The following GAN variants were observed in gnomAD, a reference collection of about 807,000 sequenced individuals.
The protein encoded by GAN is gigaxonin.
A neutral mutation model predicts 71.3 loss-of-function variants in GAN; 48 were observed. The observed-to-expected ratio is 0.67, with a 90% confidence interval of 0.53 to 0.86. The LOEUF (loss-of-function observed/expected upper bound fraction) is 0.86, where lower values mean the gene tolerates loss of function less well. Among genes scored for constraint, GAN ranks in the 40% least tolerant of loss-of-function variants. The pLI, the probability that GAN is intolerant of heterozygous loss-of-function variation, is 0.00. For synonymous variants in GAN, 386 were observed against 276.8 expected (o/e 1.39, Z -3.92); for missense variants, 928 against 770.1 (o/e 1.21, Z -2.43).
chr16:81,354,722 T>A lies in GAN; in HGVS notation c.600T>A (p.Ile200=). The A allele has an allele frequency of 3.7e-6, 6 of 1,604,182 alleles. No homozygotes were observed. The highest frequency in any genetic ancestry group is 1.3e-5 in the African/African-American group (1 of 74,836). ...AAAGATATGTCTTTGAAGCAGTAAT[T>A]CGATGGATAGCACATGATACAGAAA... is the stretch of plus-strand genomic sequence containing the variant. ...GNERYVFEAV[I]RWIAHDTEIR... Residue 200 remains isoleucine, a synonymous_variant, in exon 3 of 11, where the codon ATT becomes ATA. Transcript: ENST00000648994.
rs541164583 is a variant in GAN, at chr16:81,378,324, G to C, written c.*728G>C. Reference sequence around the variant, plus strand: ...TCTGTGTTGACTTAGATCAAGACACGTCACGCATCCTTTCTGGGGTAGTAC... The same window carrying C: ...TCTGTGTTGACTTAGATCAAGACACCTCACGCATCCTTTCTGGGGTAGTAC... On this transcript the variant is annotated 3_prime_UTR_variant, in exon 11 of 11. Transcript: ENST00000648994. 1 of 153,068 alleles carries C rather than the reference G, an allele frequency of 6.5e-6. No individual in the cohort carries two copies. Among genetic ancestry groups the C allele is most frequent in the South Asian group, 2.1e-4 (1 of 4,848 alleles). 9.5% of individuals were successfully genotyped at this position (153,068 alleles called of 1,614,324 possible).
At chr16:81,318,868 C>T (rs1384890623) in intron 1 of GAN, among the ~76,000 whole-genome samples, 1 of 152,202 alleles carries the variant, frequency 6.6e-6, no homozygotes, top group Non-Finnish European at 1.5e-5. Flanking sequence ...TAGGGTGCAG[C>T]TGCTCCAGGA....
At chr16:81,337,509 A>G (rs1909803212) in intron 1 of GAN, among the ~76,000 whole-genome samples, 1 of 152,208 alleles carries the variant, frequency 6.6e-6, no homozygotes. Context: ...TTCTTGGAAG[A>G]CGATGACCAG....
chr16:81,327,672 A>G (rs1909434379), intron 1 of GAN, among the ~76,000 whole-genome samples: 1 of 152,240 alleles, frequency 6.6e-6, no homozygotes, highest in Non-Finnish European at 1.5e-5. Context: ...GTGAGTAGAA[A>G]CATGAACTTG....
In GAN at chr16:81,355,559, C is replaced by T. The variant is rs377657625; in HGVS notation, c.633+804C>T. Among the ~76,000 whole-genome samples, 7 of 152,290 alleles carry T rather than the reference C, an allele frequency of 4.6e-5. 1 individual carries two copies. The highest frequency in any genetic ancestry group is 2.1e-4 in the South Asian group (1 of 4,826). On this transcript the variant is annotated intron_variant, in intron 3 of 10. Coordinates refer to ENST00000648994, the MANE Select transcript of GAN (RefSeq NM_022041.4). Reference sequence around the variant, plus strand: ...TTTGATTTTTGTAGAGACAGGGTCTCGCTGTGCTGCCCAGGCTGGTCTCAA... The same window carrying T: ...TTTGATTTTTGTAGAGACAGGGTCTTGCTGTGCTGCCCAGGCTGGTCTCAA...
chr16:81,362,137 T>C (rs959972796), intron 5 of GAN, among the ~76,000 whole-genome samples: 5 of 152,168 alleles, frequency 3.3e-5, no homozygotes, highest in African/African-American at 7.2e-5. Context: ...GGGTCTAGAA[T>C]GAACAGATGT....
intron 9 of GAN, among the ~76,000 whole-genome samples, chr16:81,375,718 T>C (rs1186298499): frequency 6.6e-6 from 1 of 151,804 alleles, no homozygotes; most frequent in Non-Finnish European, 1.5e-5. Flanking sequence ...GCAATCCCAG[T>C]ACTTTAGGAG....
intron 9 of GAN, among the ~76,000 whole-genome samples, chr16:81,369,864 C>G (rs1488905547): frequency 1.3e-5 from 2 of 152,232 alleles, no homozygotes; most frequent in Non-Finnish European, 1.5e-5. Flanking sequence ...GCCACCGCGC[C>G]CAGCCGATGT....
At position 81,362,578 on chromosome 16, in the gene GAN, A is replaced by C. The variant is rs1253577201; in HGVS notation, c.1053A>C (p.Ala351=). Residue 351 remains alanine (A), a synonymous_variant, in exon 6 of 11, where the codon GCA becomes GCC. Transcript: ENST00000648994. The part of the protein sequence containing the change: ...LSSGEKYDPD[A]NTWTALPPMN... The stretch of plus-strand genomic sequence containing the variant: ...CAGGAGAAAAGTATGATCCAGATGC[A>C]AATACATGGACAGCATTGCCACCTA... The C allele has an allele frequency of 1.3e-6, 2 of 1,597,734 alleles. No homozygotes were observed. Among genetic ancestry groups the C allele is most frequent in the Non-Finnish European group, 1.7e-6 (2 of 1,165,048 alleles).
In GAN at chr16:81,334,646, AACT is replaced by A. The variant is rs1258994211; in HGVS notation, c.168-16936_168-16934del. Among the ~76,000 whole-genome samples the A allele has an allele frequency of 3.9e-5, 6 of 152,306 alleles. No individual in the cohort carries two copies. The East Asian group carries it at 1.2e-3, about 29-fold the overall frequency. ...AGTGGAACATTTGAGCATTGAATTG[AACT>A]GCTGAGTGTCCAGCACACCCTGGGG... is the stretch of plus-strand genomic sequence containing the variant. On this transcript the variant is annotated intron_variant, in intron 1 of 10. Transcript: ENST00000648994.
intron 1 of GAN, among the ~76,000 whole-genome samples, chr16:81,319,639 G>GA (rs1022041582): frequency 5.3e-5 from 8 of 151,718 alleles, no homozygotes; most frequent in Non-Finnish European, 1.0e-4. Context: ...GAGAGAAAAT[G>GA]AAAAAAAAGA....
chr16:81,371,328 C>G (rs930374437), intron 9 of GAN, among the ~76,000 whole-genome samples: 3 of 152,108 alleles, frequency 2.0e-5, no homozygotes, highest in African/African-American at 7.2e-5. Context: ...ATTGTTTGCT[C>G]CCTTGAGAAA....
chr16:81,365,476 A>C lies in GAN; in HGVS notation c.1500A>C (p.Lys500Asn). 1 of 1,613,554 alleles carries C rather than the reference A, an allele frequency of 6.2e-7. No individual in the cohort carries two copies. The highest frequency in any genetic ancestry group is 8.5e-7 in the Non-Finnish European group (1 of 1,179,816). The part of the protein sequence containing the change: ...CKSEFYHDEF[K>N]RWIYLNDQNL... ...CCGAGTTCTACCATGATGAGTTTAA[A>C]AGGTAACTAAGAATGGTTTCACATA... The change falls in exon 9 of 11, where the codon AAA (lysine) becomes AAC (asparagine). Residue 500 changes from lysine to asparagine, a missense_variant and splice_region_variant. Lys to Asn is a moderately conservative substitution (Grantham distance 94, BLOSUM62 0). Transcript: ENST00000648994.
At position 81,333,441 on chromosome 16, in the gene GAN, G is replaced by C. The variant is rs1909653967; in HGVS notation, c.168-18142G>C. 2.0e-5 allele frequency among the ~76,000 whole-genome samples: 3 copies of C among 152,086 alleles called. No individual in the cohort carries two copies. The South Asian group carries it at 6.2e-4, about 32-fold the overall frequency. ...TTATTAGGTGGACTCTGAAATTTTAGACTTAAGCAGGTGGGTAGAAAATAG... is the reference window on the plus strand; with the variant it reads ...TTATTAGGTGGACTCTGAAATTTTACACTTAAGCAGGTGGGTAGAAAATAG... On this transcript the variant is annotated intron_variant, in intron 1 of 10. Coordinates refer to ENST00000648994, the MANE Select transcript of GAN (RefSeq NM_022041.4).
intron 1 of GAN, among the ~76,000 whole-genome samples, chr16:81,323,185 A>G (rs997771313): frequency 2.6e-5 from 4 of 152,204 alleles, no homozygotes; most frequent in African/African-American, 9.6e-5. Context: ...GACACTTAGT[A>G]TAACAGATAA....
Position 81,380,319 on chromosome 16 carries a change from A to G in GAN, c.*2723A>G, listed in dbSNP as rs1370196153. On this transcript the variant is annotated 3_prime_UTR_variant, in exon 11 of 11. Transcript: ENST00000648994. ...GCTCAGGATAGGTCTTAAATTTTAA[A>G]TACAAATATCTTTGGGGGAAGTGCA... The G allele has an allele frequency of 6.6e-6, 1 of 152,654 alleles. No individual in the cohort carries two copies. The highest frequency in any genetic ancestry group is 2.4e-5 in the African/African-American group (1 of 41,460). The allele number at this position is 152,654 out of a possible 1,614,324, so 9.5% of individuals were successfully genotyped here.
At chr16:81,344,423 T>A (rs1444990825) in intron 1 of GAN, among the ~76,000 whole-genome samples, 2 of 152,114 alleles carry the variant, frequency 1.3e-5, no homozygotes, top group Non-Finnish European at 2.9e-5. Context: ...AACAGATATA[T>A]AGACCAATGG....
chr16:81,364,780 A>G (rs1235665459), intron 7 of GAN, among the ~76,000 whole-genome samples, 194 bp from the exon 8 acceptor site: 1 of 152,206 alleles, frequency 6.6e-6, no homozygotes, highest in Non-Finnish European at 1.5e-5. Flanking sequence ...TCTGAAGATT[A>G]AGAATATGTG....
chr16:81,374,021 G>T (rs904546733), intron 9 of GAN, among the ~76,000 whole-genome samples: 1 of 152,194 alleles, frequency 6.6e-6, no homozygotes, highest in African/African-American at 2.4e-5. Flanking sequence ...GATTACAGGC[G>T]TGAGCCACTG....
Sources: gnomAD v4.1 joint callset for allele counts (sites outside exome capture counted in the v4.1 genomes callset) on GRCh38, gnomAD v4.1.1 for gene constraint, MANE v1.5 for transcripts, NCBI Gene and HGNC (gene_info 2026-07-23, HGNC 2026-07-21) for gene names.